The following HOOK3 variants were observed in gnomAD, a reference collection of about 807,000 sequenced individuals.
HOOK3 encodes the protein hook microtubule tethering protein 3.
A neutral mutation model predicts 116.3 loss-of-function variants in HOOK3; 24 were observed. The ratio of observed to expected loss-of-function variants is 0.21; its 90% confidence interval spans 0.15 to 0.29. The LOEUF (loss-of-function observed/expected upper bound fraction) is 0.29, where lower values mean the gene tolerates loss of function less well. Ranked by LOEUF, HOOK3 falls within the 10% of genes least tolerant of loss-of-function variation. HOOK3 has a pLI of 1.00. For missense variants in HOOK3, 632 were observed against 830.2 expected (o/e 0.76, Z 2.93); for synonymous variants, 275 against 283.0 (o/e 0.97, Z 0.28).
intron 4 of HOOK3, among the ~76,000 whole-genome samples, chr8:42,933,654 G>C (rs1399675185): frequency 6.6e-6 from 1 of 152,098 alleles, no homozygotes; most frequent in Non-Finnish European, 1.5e-5. Context: ...CCATTTTCTA[G>C]TGGCATCTTC....
intron 4 of HOOK3, among the ~76,000 whole-genome samples, chr8:42,932,388 A>T (rs1807891089): frequency 6.6e-6 from 1 of 152,174 alleles, no homozygotes; most frequent in Non-Finnish European, 1.5e-5. Flanking sequence ...GATAAAAAAG[A>T]ATAGAAAATG....
intron 3 of HOOK3, among the ~76,000 whole-genome samples, chr8:42,928,544 C>G (rs1036364061): frequency 1.3e-5 from 2 of 152,146 alleles, no homozygotes; most frequent in African/African-American, 4.8e-5. Context: ...TGTCTGCTTA[C>G]TGGCTTGATC....
intron 13 of HOOK3, among the ~76,000 whole-genome samples, chr8:42,980,929 C>A (rs1482910315): frequency 2.0e-5 from 3 of 152,068 alleles, no homozygotes; most frequent in Non-Finnish European, 4.4e-5. Flanking sequence ...ATGCTCAACC[C>A]CTTCATCATG....
intron 17 of HOOK3, 77 bp downstream of exon 17, chr8:43,002,218 C>T: frequency 9.1e-7 from 1 of 1,103,588 alleles, no homozygotes; most frequent in South Asian, 1.4e-5. Context: ...TACGGTGTGT[C>T]TGGGCGTTGG....
At chr8:42,907,804 G>A (rs1384909500) in intron 2 of HOOK3, among the ~76,000 whole-genome samples, 1 of 134,190 alleles carries the variant, frequency 7.5e-6, no homozygotes, top group African/African-American at 3.0e-5. Flanking sequence ...AGTCTTTACC[G>A]GAGCAACGAG....
chr8:42,926,658 A>G (rs1019743922), intron 3 of HOOK3, among the ~76,000 whole-genome samples: 7 of 152,334 alleles, frequency 4.6e-5, no homozygotes, highest in Middle Eastern at 3.4e-3. Flanking sequence ...TGTACCTTTT[A>G]CCCAGTTTCT....
chr8:42,925,445 C>A, intron 2 of HOOK3, 112 bp from the exon 3 acceptor site: 1 of 707,502 alleles, frequency 1.4e-6, no homozygotes, highest in Non-Finnish European at 2.4e-6. Context: ...TGATATGTGT[C>A]AAATACATTT....
chr8:42,925,728 TTAGGTAGCCTGTAA>T (rs1807753223), intron 3 of HOOK3, 99 bp downstream of exon 3: 1 of 710,774 alleles, frequency 1.4e-6, no homozygotes, highest in Non-Finnish European at 2.4e-6. Context: ...CTTTAGAAGC[TTAGGTAGCCTGTAA>T]TGAAATAATG....
chr8:43,015,061 C>T (rs1809685477), intron 21 of HOOK3, among the ~76,000 whole-genome samples: 4 of 151,868 alleles, frequency 2.6e-5, no homozygotes, highest in Admixed American at 2.0e-4. Context: ...GCACGAGAAT[C>T]GCTTAAACCC....
intron 16 of HOOK3, among the ~76,000 whole-genome samples, chr8:42,999,554 G>A (rs1421459420): frequency 6.6e-6 from 1 of 152,104 alleles, no homozygotes; most frequent in Non-Finnish European, 1.5e-5. Flanking sequence ...TCTCGGGAAT[G>A]TGCAACACAT....
intron 2 of HOOK3, among the ~76,000 whole-genome samples, chr8:42,922,389 A>C (rs1002565184): frequency 6.6e-6 from 1 of 152,002 alleles, no homozygotes; most frequent in African/African-American, 2.4e-5. Flanking sequence ...CAAAAAAAAA[A>C]AGAAAGAAAA....
At chr8:42,925,324 C>T (rs567065133) in intron 2 of HOOK3, among the ~76,000 whole-genome samples, 16 of 152,232 alleles carry the variant, frequency 1.1e-4, no homozygotes. Context: ...GTCTTGAACT[C>T]CTGACCTCAA....
chr8:42,989,625 G>C (rs1228947600), intron 15 of HOOK3, among the ~76,000 whole-genome samples: 2 of 152,094 alleles, frequency 1.3e-5, no homozygotes, highest in Non-Finnish European at 2.9e-5. Context: ...ATACTCTTTA[G>C]TTATTTTTAA....
At chr8:43,002,577 A>G (rs1285310836) in intron 17 of HOOK3, among the ~76,000 whole-genome samples, 1 of 152,244 alleles carries the variant, frequency 6.6e-6, no homozygotes, top group East Asian at 1.9e-4. Flanking sequence ...CTTTATAGAT[A>G]CGAACAGGCA....
At chr8:43,002,670 T>A (rs1809403195) in intron 17 of HOOK3, among the ~76,000 whole-genome samples, 1 of 152,204 alleles carries the variant, frequency 6.6e-6, no homozygotes, top group African/African-American at 2.4e-5. Context: ...AAATAAAAGT[T>A]AAGAGACAAG....
intron 13 of HOOK3, among the ~76,000 whole-genome samples, chr8:42,978,075 C>T (rs1390461075): frequency 6.6e-6 from 1 of 152,144 alleles, no homozygotes; most frequent in Non-Finnish European, 1.5e-5. Context: ...AGAATCATAA[C>T]TTATTTCTCC....
intron 13 of HOOK3, among the ~76,000 whole-genome samples, chr8:42,976,663 C>T (rs181667362): frequency 1.3e-4 from 20 of 152,064 alleles, no homozygotes; most frequent in African/African-American, 4.1e-4. Context: ...TTTGGGAGGC[C>T]GAGGCAGGTG....
chr8:42,978,962 T>G (rs1333964665), intron 13 of HOOK3, among the ~76,000 whole-genome samples: 2 of 152,154 alleles, frequency 1.3e-5, no homozygotes, highest in African/African-American at 4.8e-5. Context: ...ATTTCAAAGA[T>G]TAAATAGGAT....
At position 42,974,143 on chromosome 8, in the gene HOOK3, A is replaced by G; in HGVS notation, c.1270A>G (p.Ile424Val). 1 of 1,614,152 alleles carries G rather than the reference A, an allele frequency of 6.2e-7. No individual in the cohort carries two copies. The highest frequency in any genetic ancestry group is 8.5e-7 in the Non-Finnish European group (1 of 1,179,968). The stretch of plus-strand genomic sequence containing the variant: ...AGAAAGGGATTCTCTGAAGGAAACC[A>G]TTGAAGAGCTTCGTTGTGTACAAGC... ...RTERDSLKETIEELRCVQAQE... is the reference protein window; with the variant it reads ...RTERDSLKETVEELRCVQAQE... Residue 424 changes from isoleucine (I) to valine (V), a missense_variant, in exon 13 of 22, where the codon ATT becomes GTT. By Grantham distance (29) the Ile-to-Val change is conservative. Transcript: ENST00000307602.
Sources: gnomAD v4.1 joint callset for allele counts (sites outside exome capture counted in the v4.1 genomes callset) on GRCh38, gnomAD v4.1.1 for gene constraint, MANE v1.5 for transcripts, NCBI Gene and HGNC (gene_info 2026-07-23, HGNC 2026-07-21) for gene names.